The following TET1 variants were observed in gnomAD, a reference collection of about 807,000 sequenced individuals.
TET1 encodes the protein tet methylcytosine dioxygenase 1, also known as methylcytosine dioxygenase TET1.
TET1 carries 13 observed loss-of-function variants against 148.7 expected under a neutral mutation model. That is an observed-to-expected ratio of 0.09 (90% CI 0.06 to 0.14). The LOEUF (loss-of-function observed/expected upper bound fraction) is 0.14. TET1 is among the 10% of genes least tolerant of loss of function. TET1 has a pLI of 1.00. For missense variants in TET1, 2,182 were observed against 2,553.8 expected (o/e 0.85, Z 3.14); for synonymous variants, 907 against 937.2 (o/e 0.97, Z 0.59).
chr10:68,672,766 A>G, intron 7 of TET1, 129 bp from the exon 8 acceptor site: 2 of 621,992 alleles, frequency 3.2e-6, no homozygotes, highest in East Asian at 2.9e-5. Flanking sequence ...TAAATAAGTA[A>G]TATAATAGAT....
At chr10:68,580,799 A>ATAT (rs1393383162) in intron 2 of TET1, among the ~76,000 whole-genome samples, 145 of 126,276 alleles carry the variant, frequency 1.1e-3, no homozygotes, top group African/African-American at 3.9e-3. Context: ...AAAAAAAAAA[A>ATAT]AAAAAAATAT....
In TET1 at chr10:68,667,093, C is replaced by T; in HGVS notation, c.4510C>T (p.Gln1504Ter). The change falls in exon 7 of 12, where the codon CAG (glutamine) becomes TAG (stop). Residue 1504 changes from glutamine to a stop codon, truncating the protein, a stop_gained. Transcript: ENST00000373644. LOFTEE classifies it high-confidence loss of function. ...DEEKVLCLVRQRTGHHCPTAV... is the reference protein window; with the variant it reads ...DEEKVLCLVR ...AGAAAAAGTTCTTTGTTTGGTCCGG[C>T]AGCGTACAGGCCACCACTGTCCAAC... 1 of 1,614,150 alleles carries T rather than the reference C, an allele frequency of 6.2e-7. No individual in the cohort carries two copies. Among genetic ancestry groups the T allele is most frequent in the Non-Finnish European group, 8.5e-7 (1 of 1,180,026 alleles).
intron 2 of TET1, among the ~76,000 whole-genome samples, chr10:68,595,165 A>AT (rs2053963970): frequency 6.6e-6 from 1 of 151,804 alleles, no homozygotes; most frequent in African/African-American, 2.4e-5. Flanking sequence ...AAAAAAAAAA[A>AT]AATCTCTGAA....
intron 2 of TET1, among the ~76,000 whole-genome samples, chr10:68,578,644 A>T (rs1178280596): frequency 1.3e-5 from 2 of 152,166 alleles, no homozygotes; most frequent in Non-Finnish European, 2.9e-5. Context: ...AAGAATTTTT[A>T]CATTTAGCTA....
At chr10:68,647,622 GAAAT>G (rs1243004073) in intron 4 of TET1, among the ~76,000 whole-genome samples, 1 of 143,504 alleles carries the variant, frequency 7.0e-6, no homozygotes, top group Non-Finnish European at 1.5e-5. Flanking sequence ...AAGAAAGAAA[GAAAT>G]AACTTAATAG....
chr10:68,605,252 C>T (rs1243766404), intron 3 of TET1, among the ~76,000 whole-genome samples: 1 of 152,128 alleles, frequency 6.6e-6, no homozygotes, highest in African/African-American at 2.4e-5. Context: ...GCGGGCAGAT[C>T]ACCTGAGGTT....
At chr10:68,600,510 C>CT (rs1251151351) in intron 2 of TET1, among the ~76,000 whole-genome samples, 7 of 152,198 alleles carry the variant, frequency 4.6e-5, no homozygotes, top group African/African-American at 1.4e-4. Context: ...GAGAAGATCA[C>CT]TTTGGAGTTG....
chr10:68,607,171 TAA>T (rs34408803), intron 3 of TET1, among the ~76,000 whole-genome samples: 7 of 142,582 alleles, frequency 4.9e-5, no homozygotes, highest in Admixed American at 7.1e-5. Context: ...TTCAGGCTAT[TAA>T]AAAAAAAAAA....
At chr10:68,561,772 A>G (rs1303765336) in intron 1 of TET1, among the ~76,000 whole-genome samples, 1 of 143,746 alleles carries the variant, frequency 7.0e-6, no homozygotes, top group East Asian at 2.1e-4. Context: ...TATATTCTAC[A>G]AGAAGTGGTC....
At chr10:68,565,705 T>C (rs1590152085) in intron 1 of TET1, among the ~76,000 whole-genome samples, 1 of 152,234 alleles carries the variant, frequency 6.6e-6, no homozygotes, top group African/African-American at 2.4e-5. Flanking sequence ...AGGATAAACT[T>C]ACTGCCCCTA....
rs2055205516 is a variant in TET1 at position 68,667,135 on chromosome 10, C to T, written c.4552C>T (p.Leu1518Phe). The change falls in exon 7 of 12, where the codon CTC becomes TTC. Residue 1518 changes from leucine to phenylalanine, a missense_variant. By Grantham distance (22) the Leu-to-Phe change is conservative. This residue lies in a region of TET1 where 169 missense variants were observed against 263.7 expected (regional missense o/e 0.64). Transcript: ENST00000373644. ...HHCPTAVMVV[L>F]IMVWDGIPLP... ...CTGTCCAACTGCTGTGATGGTGGTGCTCATCATGGTGTGGGATGGCATCCC... is the reference window on the plus strand; with the variant it reads ...CTGTCCAACTGCTGTGATGGTGGTGTTCATCATGGTGTGGGATGGCATCCC... 1 of 1,614,156 alleles carries T rather than the reference C, an allele frequency of 6.2e-7. No individual in the cohort carries two copies. The highest frequency in any genetic ancestry group is 1.3e-5 in the African/African-American group (1 of 75,044).
intron 4 of TET1, among the ~76,000 whole-genome samples, chr10:68,651,482 G>A (rs1454057465): frequency 6.6e-6 from 1 of 151,934 alleles, no homozygotes; most frequent in Non-Finnish European, 1.5e-5. Flanking sequence ...AATTTTAATA[G>A]GATTCTAAGG....
intron 6 of TET1, among the ~76,000 whole-genome samples, chr10:68,666,326 G>A (rs2055195086): frequency 6.6e-6 from 1 of 152,078 alleles, no homozygotes; most frequent in African/African-American, 2.4e-5. Context: ...CCAATAACAT[G>A]TAAAAATCAT....
At chr10:68,612,043 TTC>T (rs1321911161) in intron 3 of TET1, among the ~76,000 whole-genome samples, 1 of 152,054 alleles carries the variant, frequency 6.6e-6, no homozygotes, top group Non-Finnish European at 1.5e-5. Flanking sequence ...AAAATGTCAC[TTC>T]TGTTTTAATT....
intron 8 of TET1, among the ~76,000 whole-genome samples, chr10:68,673,946 TTC>T (rs549470284): frequency 0.095 from 12,983 of 136,794 alleles, 799 homozygotes; most frequent in South Asian, 0.17. Flanking sequence ...TTTTTTTTTT[TTC>T]TTTTTCTTTT....
chr10:68,641,744 G>A (rs943339601), intron 3 of TET1, among the ~76,000 whole-genome samples: 5 of 152,062 alleles, frequency 3.3e-5, no homozygotes, highest in African/African-American at 7.2e-5. Context: ...CTCGTGATCC[G>A]CTCACGTTTG....
intron 2 of TET1, 46 bp from the exon 3 acceptor site, chr10:68,600,935 T>C (rs1589065497): frequency 6.3e-7 from 1 of 1,577,482 alleles, no homozygotes; most frequent in Non-Finnish European, 8.6e-7. Flanking sequence ...GGGAGCTAAT[T>C]TTATTTCTTA....
At chr10:68,652,670 G>T in intron 6 of TET1, 76 bp downstream of exon 6, 1 of 977,190 alleles carries the variant, frequency 1.0e-6, no homozygotes, top group Non-Finnish European at 1.5e-6. Context: ...ACAATAGCCA[G>T]AGTGATCTTT....
intron 3 of TET1, among the ~76,000 whole-genome samples, chr10:68,608,618 TC>T (rs2054160943): frequency 6.6e-6 from 1 of 152,142 alleles, no homozygotes; most frequent in Admixed American, 6.5e-5. Context: ...CACTGCAACC[TC>T]CACCTCCGGG....
Sources: gnomAD v4.1 joint callset for allele counts (sites outside exome capture counted in the v4.1 genomes callset) on GRCh38, gnomAD v4.1.1 for gene constraint, gnomAD v4.1.1 regional missense constraint, MANE v1.5 for transcripts, NCBI Gene and HGNC (gene_info 2026-07-23, HGNC 2026-07-21) for gene names.